P2RX7: variants seen among roughly 807,000 people sequenced by gnomAD.
P2RX7 encodes purinergic receptor P2X 7.
Under a neutral mutation model 71.6 loss-of-function variants are expected in P2RX7, and 62 were observed. That is an observed-to-expected ratio of 0.87 (90% confidence interval 0.71 to 1.07). The LOEUF is 1.07. Ranked by LOEUF, P2RX7 falls within the 50% of genes least tolerant of loss-of-function variation. The pLI, the probability that P2RX7 is intolerant of heterozygous loss-of-function variation, is 0.00. For missense variants in P2RX7, 686 were observed against 748.5 expected, an observed-to-expected ratio of 0.92 and a Z score of 0.97; for synonymous variants, 299 against 283.3, an observed-to-expected ratio of 1.06 and a Z score of -0.56.
At chr12:121,163,327 TACACACACACAC>T (rs113687409) in intron 5 of P2RX7, among the ~76,000 whole-genome samples, 2 of 145,198 alleles carry the variant, frequency 1.4e-5, no homozygotes, top group Non-Finnish European at 3.0e-5. Context: ...ATGCCTGGCT[TACACACACACAC>T]ACACACACAC....
intron 12 of P2RX7, among the ~76,000 whole-genome samples, chr12:121,182,819 CT>C (rs1884344035): frequency 6.6e-6 from 1 of 152,166 alleles, no homozygotes; most frequent in Non-Finnish European, 1.5e-5. Flanking sequence ...TTAATCTTAG[CT>C]TACTGTGACT....
chr12:121,175,314 A>AAAAAAAAC (rs1391049553), intron 8 of P2RX7, 74 bp from the exon 9 acceptor site: 11 of 810,060 alleles, frequency 1.4e-5, no homozygotes, highest in Non-Finnish European at 2.1e-5. Flanking sequence ...CTGTCTCAAA[A>AAAAAAAAC]AAAAAAAAAA....
chr12:121,152,867 T>C (rs1877739666), intron 1 of P2RX7, among the ~76,000 whole-genome samples: 1 of 152,222 alleles, frequency 6.6e-6, no homozygotes. Context: ...CATTCGTTGT[T>C]TGAGTACATG....
At chr12:121,155,293 G>T in intron 2 of P2RX7, 1 of 1,320,402 alleles carries the variant, frequency 7.6e-7, no homozygotes. Context: ...GAAGGACAGA[G>T]AACTTTCTAC....
At chr12:121,144,444 C>T (rs1023880721) in intron 1 of P2RX7, among the ~76,000 whole-genome samples, 4 of 152,196 alleles carry the variant, frequency 2.6e-5, no homozygotes, top group East Asian at 1.9e-4. Context: ...ATGGGCCACC[C>T]GCCTTGGCCT....
In P2RX7 at chr12:121,185,074, A is replaced by C; in HGVS notation, c.*272A>C. ...CTCTCCAGCCTGGGAGGCACAGCAA[A>C]CTGTCCCCCAAAAAAAAAAAAGAGT... On this transcript the variant is annotated 3_prime_UTR_variant, in exon 13 of 13. Transcript: ENST00000328963. 6.7e-6 allele frequency: 2 copies of C among 297,856 alleles called. No homozygotes were observed. The highest frequency in any genetic ancestry group is 1.2e-5 in the Non-Finnish European group (2 of 160,446). The allele number at this position is 297,856 out of a possible 1,614,324, so 18.5% of individuals were successfully genotyped here. A position where few individuals can be genotyped will look rare whatever the true frequency, so the allele number is the denominator to read the frequency against.
chr12:121,165,266 C>A (rs1295750080), intron 5 of P2RX7, 91 bp from the exon 6 acceptor site: 4 of 946,210 alleles, frequency 4.2e-6, no homozygotes, highest in Non-Finnish European at 6.8e-6. Flanking sequence ...AAAGACCAAG[C>A]CAAGAAACCA....
intron 8 of P2RX7, among the ~76,000 whole-genome samples, chr12:121,169,634 G>T (rs542581022): frequency 1.3e-5 from 2 of 152,108 alleles, no homozygotes; most frequent in East Asian, 3.8e-4. Context: ...GGCCAGGTGC[G>T]GTGGCTTATG....
chr12:121,169,988 C>CTTATACCTG (rs1565966731), intron 8 of P2RX7, among the ~76,000 whole-genome samples: 9 of 152,220 alleles, frequency 5.9e-5, no homozygotes, highest in African/African-American at 2.2e-4. Context: ...TCACTGTCCC[C>CTTATACCTG]GCCACTCCTT....
chr12:121,162,405 G>A lies in P2RX7; in HGVS notation c.437-19G>A, dbSNP rs189015132. ...AGTTCTTTCACATCTGTGGTTCTACGATGCTTTGACCCCTATAGGAATTCA... is the reference window on the plus strand; with the variant it reads ...AGTTCTTTCACATCTGTGGTTCTACAATGCTTTGACCCCTATAGGAATTCA... On this transcript the variant is annotated intron_variant, in intron 4 of 12. Transcript: ENST00000328963. The A allele has an allele frequency of 3.3e-5, 54 of 1,613,384 alleles. No individual in the cohort carries two copies. In the East Asian group the frequency reaches 1.0e-3, roughly 30 times the overall value.
intron 8 of P2RX7, among the ~76,000 whole-genome samples, chr12:121,175,002 T>C (rs935327872): frequency 3.3e-5 from 5 of 152,058 alleles, no homozygotes; most frequent in African/African-American, 4.8e-5. Flanking sequence ...TTTTGGCTTT[T>C]CCTTCCATAA....
intron 3 of P2RX7, among the ~76,000 whole-genome samples, chr12:121,157,650 T>C (rs78595509): frequency 0.011 from 1,739 of 152,308 alleles, 34 homozygotes; most frequent in Non-Finnish European, 0.017. Flanking sequence ...TTTGGACTTA[T>C]TGAGACTTGG....
chr12:121,141,487 G>C (rs74356556), intron 1 of P2RX7, among the ~76,000 whole-genome samples: 12,956 of 152,252 alleles, frequency 0.085, 701 homozygotes, highest in Non-Finnish European at 0.096. Flanking sequence ...AGAAGGCGAG[G>C]CTGAGGTGGG....
At chr12:121,138,208 A>G (rs1874104436) in intron 1 of P2RX7, among the ~76,000 whole-genome samples, 1 of 152,236 alleles carries the variant, frequency 6.6e-6, no homozygotes, top group Non-Finnish European at 1.5e-5. Context: ...ACGTGGATGA[A>G]GATAAGAGTT....
chr12:121,161,424 T>C (rs1879674813), intron 4 of P2RX7, among the ~76,000 whole-genome samples: 1 of 152,182 alleles, frequency 6.6e-6, no homozygotes, highest in South Asian at 2.1e-4. Context: ...TGATTTTGAT[T>C]TTGATTTTAT....
At position 121,160,919 on chromosome 12, in the gene P2RX7, G is replaced by A. The variant is rs1054637409; in HGVS notation, c.381G>A (p.Thr127=). 9.9e-6 allele frequency: 16 copies of A among 1,613,674 alleles called. No individual in the cohort carries two copies. The highest frequency in any genetic ancestry group is 1.3e-5 in the Non-Finnish European group (15 of 1,179,714). Residue 127 remains threonine, a synonymous_variant, in exon 4 of 13, where the codon ACG becomes ACA. Transcript: ENST00000328963. ...RLCPEYPTRR[T]LCSSDRGCKK... ...ATCTGCAGTATCCCACCCGCAGGAC[G>A]CTCTGTTCCTCTGACCGAGGTTGTA... is the stretch of plus-strand genomic sequence containing the variant.
intron 1 of P2RX7, among the ~76,000 whole-genome samples, chr12:121,134,043 C>T (rs530993231): frequency 1.2e-4 from 18 of 152,206 alleles, no homozygotes; most frequent in Non-Finnish European, 2.1e-4. Context: ...TTCCTTTTTA[C>T]GGCTGAGTAG....
At chr12:121,136,023 A>AAAAAAAAATATATATATATATAT in intron 1 of P2RX7, among the ~76,000 whole-genome samples, 7 of 15,252 alleles carry the variant, frequency 4.6e-4, no homozygotes, top group African/African-American at 7.4e-4. Flanking sequence ...AAAAAAAAAA[A>AAAAAAAAATATATATATATATAT]ATATATATAT....
At chr12:121,153,341 A>C (rs1488197920) in intron 1 of P2RX7, among the ~76,000 whole-genome samples, 1 of 152,166 alleles carries the variant, frequency 6.6e-6, no homozygotes, top group Non-Finnish European at 1.5e-5. Flanking sequence ...GATAGAAGGG[A>C]CTAAATAAAT....
Sources: gnomAD v4.1 joint callset for allele counts (sites outside exome capture counted in the v4.1 genomes callset) on GRCh38, gnomAD v4.1.1 for gene constraint, MANE v1.5 for transcripts, NCBI Gene and HGNC (gene_info 2026-07-23, HGNC 2026-07-21) for gene names.